SET: variants seen among roughly 807,000 people sequenced by gnomAD.
The protein encoded by SET is SET nuclear proto-oncogene.
In SET, 4 loss-of-function variants were observed where a neutral mutation model predicts 39.0. The ratio of observed to expected loss-of-function variants is 0.10; its 90% CI spans 0.05 to 0.23. The LOEUF (loss-of-function observed/expected upper bound fraction) is 0.23, where lower values mean the gene tolerates loss of function less well. Ranked by LOEUF, SET falls within the 10% of genes least tolerant of loss-of-function variation. The probability of loss-of-function intolerance (pLI) is 1.00; values close to 1 mark genes in which losing one functional copy is unlikely to be tolerated. For synonymous variants in SET, 114 were observed against 115.9 expected, an observed-to-expected ratio of 0.98 and a Z score of 0.11; for missense variants, 137 against 329.7, an observed-to-expected ratio of 0.42 and a Z score of 4.53.
upstream of SET, among the ~76,000 whole-genome samples, chr9:128,687,211 TA>T (rs1319739619): frequency 1.3e-5 from 2 of 151,280 alleles, no homozygotes; most frequent in South Asian, 4.2e-4. Context: ...ATACAAAAAT[TA>T]GCTTGGCATG....
rs1253617092 is a variant in SET, at chr9:128,689,233, G to A, written c.-350G>A. ...CGCCCTGCGCCCGCCCCTCGCCGTAGGAGGAGGTGGAGGAGGAGGCGGCTC... is the reference window on the plus strand; with the variant it reads ...CGCCCTGCGCCCGCCCCTCGCCGTAAGAGGAGGTGGAGGAGGAGGCGGCTC... On this transcript the variant is annotated 5_prime_UTR_variant, in exon 1 of 8. Transcript: ENST00000322030. 7.0e-6 allele frequency: 7 copies of A among 998,432 alleles called. No individual in the cohort carries two copies. Among genetic ancestry groups the A allele is most frequent in the East Asian group, 1.8e-4 (2 of 11,410 alleles). 61.8% of individuals were successfully genotyped at this position (998,432 alleles called of 1,614,324 possible). A position where few individuals can be genotyped will look rare whatever the true frequency, so the allele number is the denominator to read the frequency against.
At chr9:128,684,612 G>C (rs1349733963), upstream of SET, among the ~76,000 whole-genome samples, 1 of 151,880 alleles carries the variant, frequency 6.6e-6, no homozygotes, top group African/African-American at 2.4e-5. Flanking sequence ...GACCTCTCCT[G>C]GTTCACACTT....
intron 3 of SET, chr9:128,692,409 A>AAC (rs1379355332): frequency 7.8e-6 from 2 of 257,010 alleles, no homozygotes; most frequent in Non-Finnish European, 1.5e-5. Context: ...AAAAAAAAAA[A>AAC]AAAAAAAAAA....
chr9:128,694,976 C>T lies in SET; in HGVS notation c.*312C>T, dbSNP rs1061240. On this transcript the variant is annotated 3_prime_UTR_variant, in exon 8 of 8. Coordinates refer to ENST00000322030, the MANE Select transcript of SET (RefSeq NM_003011.4). Reference sequence around the variant, plus strand: ...GGAAAAAAGAAAAACCTGCTCCCTTCGCTCTGCTGGAAGCTGGAGGGTGCT... The same window carrying T: ...GGAAAAAAGAAAAACCTGCTCCCTTTGCTCTGCTGGAAGCTGGAGGGTGCT... 70 of 272,840 alleles carry T rather than the reference C, an allele frequency of 2.6e-4. No individual in the cohort carries two copies. Among genetic ancestry groups the T allele is most frequent in the South Asian group, 2.4e-4 (2 of 8,210 alleles). The allele number at this position is 272,840 out of a possible 1,614,324, so 16.9% of individuals were successfully genotyped here.
chr9:128,690,903 A>G (rs1396888921), intron 1 of SET, among the ~76,000 whole-genome samples: 1 of 152,238 alleles, frequency 6.6e-6, no homozygotes, highest in Non-Finnish European at 1.5e-5. Context: ...AGAAACCTTA[A>G]TGATCGGTCT....
chr9:128,696,323 T>C lies in SET; in HGVS notation c.*1659T>C. 1 of 189,258 alleles carries C rather than the reference T, an allele frequency of 5.3e-6. No individual in the cohort carries two copies. Among genetic ancestry groups the C allele is most frequent in the Non-Finnish European group, 1.1e-5 (1 of 89,094 alleles). The allele number at this position is 189,258 out of a possible 1,614,324, so 11.7% of individuals were successfully genotyped here. On this transcript the variant is annotated 3_prime_UTR_variant, in exon 8 of 8. Coordinates refer to ENST00000322030, the MANE Select transcript of SET (RefSeq NM_003011.4). ...AGTATGTAATTTCTGCACAGGTCTC[T>C]GTTTAGTAAATACATCACTGTATAC...
chr9:128,689,588 G>T lies in SET; in HGVS notation c.6G>T (p.Ser2=). Residue 2 remains serine, a synonymous_variant, in exon 1 of 8, where the codon TCG becomes TCT. Coordinates refer to ENST00000322030, the MANE Select transcript of SET (RefSeq NM_003011.4). ...CCCGACCGCGGAGCAGCACCATGTC[G>T]GCGCCGGCGGCCAAAGTCAGTAAAA... M[S]APAAKVSKKE... The T allele has an allele frequency of 1.5e-6, 2 of 1,368,182 alleles. No homozygotes were observed. Among genetic ancestry groups the T allele is most frequent in the South Asian group, 3.2e-5 (2 of 63,094 alleles). The allele number at this position is 1,368,182 out of a possible 1,614,324, so 84.8% of individuals were successfully genotyped here.
Position 128,693,632 on chromosome 9 carries a change from A to G in SET, c.493-6A>G, listed in dbSNP as rs1861623704. 1 of 1,603,246 alleles carries G rather than the reference A, an allele frequency of 6.2e-7. No homozygotes were observed. The highest frequency in any genetic ancestry group is 1.3e-5 in the African/African-American group (1 of 74,506). Reference sequence around the variant, plus strand: ...TGTATCAAAAGCTCTTCCGGTATTCATTTAGGATTTGACGAAACGTTCGAG... The same window carrying G: ...TGTATCAAAAGCTCTTCCGGTATTCGTTTAGGATTTGACGAAACGTTCGAG... On this transcript the variant is annotated splice_region_variant and splice_polypyrimidine_tract_variant and intron_variant, in intron 5 of 7. Transcript: ENST00000322030.
chr9:128,684,601 C>A (rs1397552392), upstream of SET, among the ~76,000 whole-genome samples: 1 of 152,038 alleles, frequency 6.6e-6, no homozygotes, highest in East Asian at 1.9e-4. Flanking sequence ...CGGTCCCCGC[C>A]GACCTCTCCT....
At chr9:128,694,374 G>A (rs958545399) in intron 7 of SET, among the ~76,000 whole-genome samples, 1 of 151,982 alleles carries the variant, frequency 6.6e-6, no homozygotes, top group African/African-American at 2.4e-5. Context: ...ATGTATTTTC[G>A]ACAAACTGCA....
Sources: gnomAD v4.1 joint callset for allele counts (sites outside exome capture counted in the v4.1 genomes callset) on GRCh38, gnomAD v4.1.1 for gene constraint, MANE v1.5 for transcripts, NCBI Gene and HGNC (gene_info 2026-07-23, HGNC 2026-07-21) for gene names.